ILDR1: variants seen among roughly 807,000 people sequenced by gnomAD.
ILDR1 encodes immunoglobulin-like domain-containing receptor 1.
In ILDR1, 56 loss-of-function variants were observed where a neutral mutation model predicts 62.4. The ratio of observed to expected loss-of-function variants is 0.90; its 90% CI spans 0.72 to 1.12. The LOEUF (loss-of-function observed/expected upper bound fraction) is 1.12, where lower values mean the gene tolerates loss of function less well. Among genes scored for constraint, ILDR1 ranks in the 50% most tolerant of loss-of-function variants. ILDR1 has a pLI of 0.00. For synonymous variants in ILDR1, 284 were observed against 277.8 expected (o/e 1.02, Z -0.22); for missense variants, 736 against 710.6 (o/e 1.04, Z -0.41).
At chr3:122,061,618 T>G in the ILDR1 span, among the ~76,000 whole-genome samples, 4 of 152,148 alleles carry the variant, frequency 2.6e-5, no homozygotes, top group Admixed American at 6.5e-5. Flanking sequence ...GTCAACATCA[T>G]TTGCCTTTAT....
At chr3:122,022,334 G>A (rs1258810835), upstream of ILDR1, 8 of 410,338 alleles carry the variant, frequency 1.9e-5, no homozygotes, top group African/African-American at 6.3e-5. Flanking sequence ...CCTCCCGGGG[G>A]ACTGCGGCCA....
rs191287916 is a variant in ILDR1 at position 122,020,671 on chromosome 3, C to T, written c.58+1349G>A. Among the ~76,000 whole-genome samples, 268 of 152,328 alleles carry T rather than the reference C, an allele frequency of 1.8e-3. 2 individuals carry two copies. Among genetic ancestry groups the T allele is most frequent in the African/African-American group, 5.6e-3 (232 of 41,574 alleles). ...GAGTTTGAGATGAGCAGGGGAGCCA[C>T]AGGAGAGAAGACTGTGCAAAGCTGT... On this transcript the variant is annotated intron_variant, in intron 1 of 7. Coordinates refer to ENST00000344209, the MANE Select transcript of ILDR1 (RefSeq NM_001199799.2).
At chr3:122,060,950 T>C in the ILDR1 span, among the ~76,000 whole-genome samples, 1 of 151,904 alleles carries the variant, frequency 6.6e-6, no homozygotes, top group African/African-American at 2.4e-5. Flanking sequence ...CCCATTAGAG[T>C]TTGGAATAGA....
the ILDR1 span, among the ~76,000 whole-genome samples, chr3:122,037,731 A>C: frequency 6.6e-6 from 1 of 152,198 alleles, no homozygotes; most frequent in African/African-American, 2.4e-5. Flanking sequence ...TGAGAAGAAC[A>C]TGAGATTTTG....
At chr3:122,013,321 G>C (rs1467885075) in intron 1 of ILDR1, among the ~76,000 whole-genome samples, 1 of 151,984 alleles carries the variant, frequency 6.6e-6, no homozygotes, top group East Asian at 1.9e-4. Context: ...TATTTTGAAG[G>C]ACTAGATGGC....
the ILDR1 span, among the ~76,000 whole-genome samples, chr3:122,047,982 G>A: frequency 6.6e-6 from 1 of 152,222 alleles, no homozygotes; most frequent in African/African-American, 2.4e-5. Flanking sequence ...AGGGCATCCA[G>A]CACTGTGTTG....
chr3:122,006,367 G>A (rs2071610195), intron 2 of ILDR1, among the ~76,000 whole-genome samples: 1 of 152,194 alleles, frequency 6.6e-6, no homozygotes, highest in Non-Finnish European at 1.5e-5. Context: ...AACTAGGAAA[G>A]GGCTCTGATC....
intron 1 of ILDR1, among the ~76,000 whole-genome samples, 156 bp downstream of exon 1, chr3:122,021,864 G>T (rs2071860393): frequency 1.3e-5 from 2 of 152,242 alleles, no homozygotes; most frequent in South Asian, 4.1e-4. Flanking sequence ...GCAGAAACTC[G>T]ATCCAGTCCC....
chr3:122,022,103 G>T lies in ILDR1; in HGVS notation c.-26C>A, dbSNP rs753548262. On this transcript the variant is annotated 5_prime_UTR_variant, in exon 1 of 8. The change creates a new upstream start codon in the 5' untranslated region. Transcript: ENST00000344209. The stretch of plus-strand genomic sequence containing the variant: ...GCCGCCCCCTTTCTGGCCCTTTTCA[G>T]CTCAGGGGCTTCGGGGCACTGCGTC... The T allele has an allele frequency of 6.3e-7, 1 of 1,583,876 alleles. No individual in the cohort carries two copies. The highest frequency in any genetic ancestry group is 8.6e-7 in the Non-Finnish European group (1 of 1,163,024).
chr3:122,008,079 G>A (rs1051467406), intron 1 of ILDR1, among the ~76,000 whole-genome samples: 1 of 152,154 alleles, frequency 6.6e-6, no homozygotes, highest in African/African-American at 2.4e-5. Context: ...AATGCTTGTT[G>A]AATAAATGAT....
chr3:122,009,675 C>A (rs751993543), intron 1 of ILDR1, among the ~76,000 whole-genome samples: 3 of 152,186 alleles, frequency 2.0e-5, no homozygotes, highest in Non-Finnish European at 2.9e-5. Context: ...AACGGAGCCA[C>A]CTTCATTTTG....
At chr3:122,056,418 T>G in the ILDR1 span, among the ~76,000 whole-genome samples, 22 of 152,338 alleles carry the variant, frequency 1.4e-4, no homozygotes, top group South Asian at 4.6e-3. Flanking sequence ...CACTGCAACC[T>G]CCGCCTCTCG....
In ILDR1 at chr3:121,993,669, C is replaced by T; in HGVS notation, c.1080G>A (p.Arg360=). ...HQQWLTPIPS[R]PWDLREGRSH... ...TTCTCCCCTCCCTCAGATCCCAGGGCCTGGAGGGAATTGGGGTGAGCCACT... is the reference window on the plus strand; with the variant it reads ...TTCTCCCCTCCCTCAGATCCCAGGGTCTGGAGGGAATTGGGGTGAGCCACT... Residue 360 remains arginine, a synonymous_variant, in exon 7 of 8, where the codon AGG becomes AGA. Transcript: ENST00000344209. 6.2e-7 allele frequency: 1 copy of T among 1,614,198 alleles called. No individual in the cohort carries two copies. Among genetic ancestry groups the T allele is most frequent in the Non-Finnish European group, 8.5e-7 (1 of 1,180,012 alleles).
chr3:122,038,592 C>T, the ILDR1 span, among the ~76,000 whole-genome samples: 4 of 152,102 alleles, frequency 2.6e-5, no homozygotes, highest in Non-Finnish European at 5.9e-5. Flanking sequence ...CAACAAAAAA[C>T]TATAAGGCAC....
chr3:122,005,373 G>T lies in ILDR1; in HGVS notation c.250C>A (p.Leu84Met). Residue 84 changes from leucine to methionine, a missense_variant, in exon 3 of 8, where the codon CTG (leucine) becomes ATG (methionine). Physicochemically the swap from Leu to Met is conservative, Grantham distance 15. Coordinates refer to ENST00000344209, the MANE Select transcript of ILDR1 (RefSeq NM_001199799.2). ...CAGTCATTGGATGGGTCCTGGCCCA[G>T]GGATAAAGCTGCCTGGTATGCTGAG... ...YSASYQAALS[L>M]GQDPSNDCND... is the part of the protein sequence containing the mutation. 6.2e-7 allele frequency: 1 copy of T among 1,614,200 alleles called. No homozygotes were observed. Among genetic ancestry groups the T allele is most frequent in the South Asian group, 1.1e-5 (1 of 91,084 alleles).
intron 1 of ILDR1, among the ~76,000 whole-genome samples, chr3:122,010,678 CCA>C (rs1252504020): frequency 8.5e-5 from 13 of 152,126 alleles, no homozygotes; most frequent in Admixed American, 8.5e-4. Flanking sequence ...ATCTCACCAA[CCA>C]CAGTTTTATC....
At chr3:122,046,498 A>T in the ILDR1 span, among the ~76,000 whole-genome samples, 3 of 138,474 alleles carry the variant, frequency 2.2e-5, no homozygotes, top group Admixed American at 7.2e-5. Context: ...CTCCTGGATA[A>T]TATCCTGCAG....
chr3:122,008,918 T>TTTTC (rs988155406), intron 1 of ILDR1, among the ~76,000 whole-genome samples: 3 of 149,194 alleles, frequency 2.0e-5, no homozygotes, highest in South Asian at 2.1e-4. Flanking sequence ...GGCCTTCTTT[T>TTTTC]TTTCTTTCTT....
At chr3:122,044,716 T>C in the ILDR1 span, among the ~76,000 whole-genome samples, 1 of 151,516 alleles carries the variant, frequency 6.6e-6, no homozygotes, top group African/African-American at 2.4e-5. Flanking sequence ...GAGGTGTTTG[T>C]AGTATTCTCT....
Sources: gnomAD v4.1 joint callset for allele counts (sites outside exome capture counted in the v4.1 genomes callset) on GRCh38, gnomAD v4.1.1 for gene constraint, MANE v1.5 for transcripts, NCBI Gene and HGNC (gene_info 2026-07-23, HGNC 2026-07-21) for gene names.